Variants in SEMA3A observed in about 807,000 individuals in gnomAD.
The protein encoded by SEMA3A is semaphorin 3A.
In SEMA3A, 29 loss-of-function variants were observed where a neutral mutation model predicts 97.9. That is an observed-to-expected ratio of 0.30 (90% CI 0.22 to 0.40). The LOEUF (loss-of-function observed/expected upper bound fraction) is 0.40. SEMA3A is among the 10% of genes least tolerant of loss of function. The pLI is 1.00. For synonymous variants in SEMA3A, 321 were observed against 323.7 expected (o/e 0.99, Z 0.09); for missense variants, 763 against 951.3 (o/e 0.80, Z 2.60).
At chr7:84,460,969 G>C (rs1178300988) in intron 1 of SEMA3A, among the ~76,000 whole-genome samples, 2 of 152,054 alleles carry the variant, frequency 1.3e-5, no homozygotes, top group African/African-American at 4.8e-5. Context: ...TTCAAACCAA[G>C]ATAATTCCCA....
chr7:83,985,435 C>G lies in SEMA3A; in HGVS notation c.1494+1G>C. 6.2e-7 allele frequency: 1 copy of G among 1,604,444 alleles called. No individual in the cohort carries two copies. The highest frequency in any genetic ancestry group is 8.5e-7 in the Non-Finnish European group (1 of 1,172,260). ...TCAATGGTAATACATAATGATAGTA[C>G]CTGCTTAGTGGAAAGCTCCATTGCT... On this transcript the variant is annotated splice_donor_variant, in intron 13 of 16. Coordinates refer to ENST00000265362, the MANE Select transcript of SEMA3A (RefSeq NM_006080.3). LOFTEE classifies it high-confidence loss of function.
chr7:84,241,884 A>G (rs1009839158), intron 3 of SEMA3A, among the ~76,000 whole-genome samples: 2 of 152,064 alleles, frequency 1.3e-5, no homozygotes, highest in African/African-American at 2.4e-5. Context: ...TTAAATAGAG[A>G]GTCTTTTCTC....
intron 1 of SEMA3A, among the ~76,000 whole-genome samples, chr7:84,457,659 T>C (rs530859289): frequency 1.3e-5 from 2 of 152,142 alleles, no homozygotes; most frequent in Non-Finnish European, 2.9e-5. Context: ...CTGTTACATT[T>C]ACTGAATGTA....
At chr7:84,057,691 G>C (rs1793046311) in intron 5 of SEMA3A, among the ~76,000 whole-genome samples, 2 of 151,716 alleles carry the variant, frequency 1.3e-5, no homozygotes, top group African/African-American at 4.8e-5. Context: ...CTTGAACCCG[G>C]GAGACAGAGG....
intron 2 of SEMA3A, among the ~76,000 whole-genome samples, chr7:84,308,782 A>G (rs1312654339): frequency 6.6e-6 from 1 of 151,882 alleles, no homozygotes; most frequent in Non-Finnish European, 1.5e-5. Context: ...TCCCATTCTC[A>G]GTGACTTAAG....
chr7:84,490,164 A>G lies in SEMA3A; in HGVS notation c.-246+2296T>C, dbSNP rs1308513362. ...TTCCAGTAAAAAGAACCATTTAAAA[A>G]ATGTAAGTTGGATATAACCACAATG... On this transcript the variant is annotated intron_variant, in intron 1 of 3. Coordinates refer to the SEMA3A transcript ENST00000424555. Among the ~76,000 whole-genome samples, 7 of 150,972 alleles carry G rather than the reference A, an allele frequency of 4.6e-5. No individual in the cohort carries two copies. In the East Asian group the frequency reaches 1.4e-3, roughly 29 times the overall value.
intron 12 of SEMA3A, 70 bp from the exon 13 acceptor site, chr7:83,985,547 A>G: frequency 8.2e-7 from 1 of 1,225,480 alleles, no homozygotes; most frequent in Non-Finnish European, 1.2e-6. Flanking sequence ...TAATTAACTC[A>G]AGGCACTGCC....
At chr7:84,424,615 A>ATTATATATAATATATAAATAT in intron 1 of SEMA3A, among the ~76,000 whole-genome samples, 2 of 45,766 alleles carry the variant, frequency 4.4e-5, no homozygotes, top group East Asian at 7.5e-4. Context: ...AATATATAAT[A>ATTATATATAATATATAAATAT]TAATATATAA....
At chr7:84,132,668 T>G (rs865781358) in intron 2 of SEMA3A, among the ~76,000 whole-genome samples, 1 of 45,522 alleles carries the variant, frequency 2.2e-5, no homozygotes. Flanking sequence ...TGGTGTTTTT[T>G]TTTTTTTTTT....
chr7:84,463,458 C>A (rs1015863526), intron 1 of SEMA3A, among the ~76,000 whole-genome samples: 1 of 151,882 alleles, frequency 6.6e-6, no homozygotes, highest in Admixed American at 6.6e-5. Context: ...CCGTGTTAGC[C>A]AGGATAGTCC....
intron 1 of SEMA3A, among the ~76,000 whole-genome samples, chr7:84,411,497 C>A (rs1020542281): frequency 6.6e-6 from 1 of 151,508 alleles, no homozygotes; most frequent in East Asian, 1.9e-4. Context: ...TTGTATTAAA[C>A]CTATTTCAAA....
At chr7:84,270,706 T>G (rs1318588647) in intron 3 of SEMA3A, among the ~76,000 whole-genome samples, 1 of 150,008 alleles carries the variant, frequency 6.7e-6, no homozygotes, top group Non-Finnish European at 1.5e-5. Flanking sequence ...TTTTATTATT[T>G]GCTTAGCTTT....
At chr7:84,033,978 T>C (rs1008488440) in intron 6 of SEMA3A, among the ~76,000 whole-genome samples, 7 of 137,004 alleles carry the variant, frequency 5.1e-5, no homozygotes, top group Non-Finnish European at 1.2e-4. Flanking sequence ...GGCAATTTTT[T>C]GTTTTTAATT....
At chr7:83,975,932 A>T (rs1433354154) in intron 15 of SEMA3A, among the ~76,000 whole-genome samples, 1 of 152,190 alleles carries the variant, frequency 6.6e-6, no homozygotes, top group Non-Finnish European at 1.5e-5. Flanking sequence ...CACCATACTA[A>T]TGCAGGGACA....
At chr7:83,997,777 T>A (rs1639559) in intron 12 of SEMA3A, among the ~76,000 whole-genome samples, 8 of 150,662 alleles carry the variant, frequency 5.3e-5, no homozygotes, top group South Asian at 2.1e-4. Context: ...GTCTCCATCA[T>A]CAGGGCTGGA....
At chr7:84,274,609 G>C (rs1408328124) in intron 3 of SEMA3A, among the ~76,000 whole-genome samples, 1 of 151,948 alleles carries the variant, frequency 6.6e-6, no homozygotes, top group Non-Finnish European at 1.5e-5. Flanking sequence ...ATCTCTACTA[G>C]AATGCATGTT....
At chr7:84,439,743 G>C (rs1322697111) in intron 1 of SEMA3A, among the ~76,000 whole-genome samples, 4 of 152,082 alleles carry the variant, frequency 2.6e-5, no homozygotes, top group Non-Finnish European at 5.9e-5. Flanking sequence ...TGAAATGATA[G>C]TACATATATA....
intron 5 of SEMA3A, among the ~76,000 whole-genome samples, chr7:84,052,106 G>T (rs1184750335): frequency 1.9e-4 from 29 of 152,152 alleles, no homozygotes; most frequent in Non-Finnish European, 2.6e-4. Context: ...TACTGGATTC[G>T]GTTTGCCAGT....
At chr7:84,165,155 C>G (rs1334167571) in intron 1 of SEMA3A, among the ~76,000 whole-genome samples, 3 of 151,976 alleles carry the variant, frequency 2.0e-5, no homozygotes, top group Non-Finnish European at 4.4e-5. Context: ...TTGAGTGAAC[C>G]GTGATAGCGC....
Sources: gnomAD v4.1 joint callset for allele counts (sites outside exome capture counted in the v4.1 genomes callset) on GRCh38, gnomAD v4.1.1 for gene constraint, MANE v1.5 for transcripts, NCBI Gene and HGNC (gene_info 2026-07-23, HGNC 2026-07-21) for gene names.